POLN: variants seen among roughly 807,000 people sequenced by gnomAD.
POLN encodes the protein DNA polymerase nu, also known as DNA polymerase N.
POLN carries 108 observed loss-of-function variants against 113.5 expected under a neutral mutation model. The ratio of observed to expected loss-of-function variants is 0.95; its 90% CI spans 0.81 to 1.12. The LOEUF (loss-of-function observed/expected upper bound fraction) is 1.12. POLN is among the 50% of genes most tolerant of loss of function. POLN has a pLI of 0.00. For synonymous variants in POLN, 386 were observed against 391.5 expected (o/e 0.99, Z 0.17); for missense variants, 1,097 against 1,077.1 (o/e 1.02, Z -0.26).
chr4:2,083,620 G>A (rs35972243), intron 21 of POLN, among the ~76,000 whole-genome samples: 16,998 of 152,272 alleles, frequency 0.11, 3,212 homozygotes, highest in African/African-American at 0.39. Context: ...TACTCGAGGT[G>A]CCTTCCGGCC....
chr4:2,226,785 A>T (rs1202573618), intron 3 of POLN, among the ~76,000 whole-genome samples: 1 of 152,224 alleles, frequency 6.6e-6, no homozygotes, highest in Non-Finnish European at 1.5e-5. Context: ...TCTGAGTTGA[A>T]ATTCCATATT....
At chr4:2,214,365 G>C (rs1734064172) in intron 3 of POLN, among the ~76,000 whole-genome samples, 1 of 152,172 alleles carries the variant, frequency 6.6e-6, no homozygotes, top group Non-Finnish European at 1.5e-5. Flanking sequence ...GAAAAGGATA[G>C]ATTAATTAAT....
intron 14 of POLN, 55 bp from the exon 15 acceptor site, chr4:2,157,966 TG>T (rs1561051193): frequency 1.4e-6 from 2 of 1,428,852 alleles, no homozygotes; most frequent in East Asian, 2.3e-5. Context: ...TCTTTTTTTG[TG>T]GGGGGAAGGA....
intron 19 of POLN, among the ~76,000 whole-genome samples, chr4:2,124,297 A>T (rs1731522038): frequency 1.3e-5 from 2 of 152,254 alleles, no homozygotes; most frequent in South Asian, 4.1e-4. Context: ...TTTGAGAGAC[A>T]GGTTCTTGCT....
chr4:2,198,988 C>A (rs1352920639), intron 5 of POLN, among the ~76,000 whole-genome samples: 1 of 152,032 alleles, frequency 6.6e-6, no homozygotes, highest in Non-Finnish European at 1.5e-5. Flanking sequence ...AGAAAGGAAG[C>A]ATCATACTTT....
intron 8 of POLN, among the ~76,000 whole-genome samples, chr4:2,178,903 C>T (rs1268546806): frequency 6.6e-6 from 1 of 152,148 alleles, no homozygotes; most frequent in Non-Finnish European, 1.5e-5. Context: ...TGAGCTGCTG[C>T]ACCCAGCCCG....
intron 16 of POLN, among the ~76,000 whole-genome samples, chr4:2,153,657 C>T (rs1231434000): frequency 1.3e-5 from 2 of 151,596 alleles, no homozygotes; most frequent in African/African-American, 2.4e-5. Context: ...CATCTCAGCT[C>T]ACTGCAAGCT....
chr4:2,192,001 T>G (rs573169600), intron 7 of POLN, among the ~76,000 whole-genome samples: 1 of 151,614 alleles, frequency 6.6e-6, no homozygotes, highest in Non-Finnish European at 1.5e-5. Context: ...TAGTCCCACC[T>G]ACTCGGGAGG....
chr4:2,156,522 G>A lies in POLN; in HGVS notation c.1731+266C>T, dbSNP rs58176963. 1.8e-3 allele frequency: 1,064 copies of A among 581,148 alleles called. 6 individuals carry two copies. Among genetic ancestry groups the A allele is most frequent in the African/African-American group, 0.017 (905 of 52,020 alleles). 36.0% of individuals were successfully genotyped at this position (581,148 alleles called of 1,614,324 possible). On this transcript the variant is annotated intron_variant, in intron 16 of 25. Coordinates refer to ENST00000511885, the MANE Select transcript of POLN (RefSeq NM_181808.4). ...AAATCTGAAAAGGAAGATGGGGTACGGGTGTCCTTTTTGCCTGCACACTGG... is the reference window on the plus strand; with the variant it reads ...AAATCTGAAAAGGAAGATGGGGTACAGGTGTCCTTTTTGCCTGCACACTGG...
chr4:2,240,788 C>T (rs2108781656), intron 2 of POLN: 2 of 1,613,922 alleles, frequency 1.2e-6, no homozygotes, highest in Non-Finnish European at 1.7e-6. Flanking sequence ...CTCTTTCAGA[C>T]AACACGTTCT....
At chr4:2,181,467 T>TTA (rs1733140704) in intron 7 of POLN, among the ~76,000 whole-genome samples, 1 of 150,310 alleles carries the variant, frequency 6.7e-6, no homozygotes, top group Admixed American at 6.6e-5. Context: ...AATATTTTTT[T>TTA]AAATAAAAAA....
chr4:2,203,823 G>A (rs1425888240), intron 5 of POLN, among the ~76,000 whole-genome samples: 1 of 151,604 alleles, frequency 6.6e-6, no homozygotes, highest in African/African-American at 2.4e-5. Flanking sequence ...GATAAATGAA[G>A]CAAATGCCAG....
At chr4:2,129,873 T>C (rs2108725433) in intron 17 of POLN, among the ~76,000 whole-genome samples, 1 of 152,216 alleles carries the variant, frequency 6.6e-6, no homozygotes, top group Non-Finnish European at 1.5e-5. Flanking sequence ...TGAAGGTCTA[T>C]GTGGGAAGGG....
intron 19 of POLN, among the ~76,000 whole-genome samples, chr4:2,114,999 T>C (rs1368395632): frequency 6.6e-6 from 1 of 151,770 alleles, no homozygotes; most frequent in Non-Finnish European, 1.5e-5. Flanking sequence ...ATGGATTCTT[T>C]CCTATGGTGA....
intron 13 of POLN, among the ~76,000 whole-genome samples, chr4:2,165,223 G>A (rs560141348): frequency 1.1e-4 from 16 of 152,274 alleles, no homozygotes; most frequent in African/African-American, 3.4e-4. Flanking sequence ...ATACATCCAC[G>A]CAATGGAATA....
intron 13 of POLN, among the ~76,000 whole-genome samples, chr4:2,161,613 C>T (rs921792793): frequency 3.2e-4 from 49 of 152,354 alleles, no homozygotes; most frequent in African/African-American, 1.1e-3. Flanking sequence ...TGCTCCATGG[C>T]GCCCAGTCCC....
chr4:2,152,551 C>A (rs1732322204), intron 16 of POLN, among the ~76,000 whole-genome samples: 1 of 151,072 alleles, frequency 6.6e-6, no homozygotes, highest in Non-Finnish European at 1.5e-5. Context: ...GGCTAATAAT[C>A]TGATTTTTAA....
intron 23 of POLN, 70 bp downstream of exon 23, chr4:2,080,888 G>A (rs1730395936): frequency 4.3e-6 from 7 of 1,609,528 alleles, no homozygotes; most frequent in Non-Finnish European, 5.9e-6. Context: ...AGAATCACGA[G>A]CCCCGAGGGG....
At chr4:2,100,524 G>C (rs1730897842) in intron 19 of POLN, among the ~76,000 whole-genome samples, 1 of 152,234 alleles carries the variant, frequency 6.6e-6, no homozygotes, top group Admixed American at 6.5e-5. Context: ...GAATACAACA[G>C]TGAAAAGACA....
Sources: allele counts gnomAD v4.1 joint callset (sites outside exome capture counted in the v4.1 genomes callset), GRCh38; gene constraint gnomAD v4.1.1; transcripts MANE v1.5; gene names NCBI Gene and HGNC (gene_info 2026-07-23, HGNC 2026-07-21).